Variants in BCL2 observed in about 807,000 individuals in gnomAD.
BCL2 encodes apoptosis regulator Bcl-2.
A neutral mutation model predicts 14.2 loss-of-function variants in BCL2; 1 was observed. The observed-to-expected ratio is 0.07, with a 90% CI of 0.02 to 0.33. The LOEUF (loss-of-function observed/expected upper bound fraction) is 0.33, where lower values mean the gene tolerates loss of function less well. BCL2 is among the 10% of genes least tolerant of loss of function. The pLI is 0.99. For synonymous variants in BCL2, 151 were observed against 137.2 expected, an observed-to-expected ratio of 1.10 and a Z score of -0.70; for missense variants, 247 against 305.9, an observed-to-expected ratio of 0.81 and a Z score of 1.44.
chr18:63,267,692 G>C (rs571150307), intron 2 of BCL2, among the ~76,000 whole-genome samples: 1 of 152,200 alleles, frequency 6.6e-6, no homozygotes, highest in African/African-American at 2.4e-5. Flanking sequence ...ATATCCTTGA[G>C]AGGTATCAGC....
chr18:63,272,756 G>A (rs950378719), intron 2 of BCL2, among the ~76,000 whole-genome samples: 4 of 152,144 alleles, frequency 2.6e-5, no homozygotes, highest in Non-Finnish European at 4.4e-5. Flanking sequence ...GCAGGCTGCC[G>A]TATATATTTT....
intron 2 of BCL2, among the ~76,000 whole-genome samples, chr18:63,243,056 T>C (rs933365188): frequency 1.3e-5 from 2 of 152,092 alleles, no homozygotes; most frequent in Admixed American, 1.3e-4. Flanking sequence ...AAGTGCAAAT[T>C]CATCAGCATC....
At chr18:63,237,491 G>A (rs1235102617) in intron 2 of BCL2, among the ~76,000 whole-genome samples, 3 of 152,100 alleles carry the variant, frequency 2.0e-5, no homozygotes, top group African/African-American at 4.8e-5. Context: ...TGCCTTAACG[G>A]GCCTGACCCT....
chr18:63,150,642 A>G (rs1914630508), intron 2 of BCL2, among the ~76,000 whole-genome samples: 1 of 152,160 alleles, frequency 6.6e-6, no homozygotes, highest in Non-Finnish European at 1.5e-5. Flanking sequence ...AAGTTCTAGA[A>G]TTAGACTCTG....
intron 2 of BCL2, among the ~76,000 whole-genome samples, chr18:63,155,775 G>A (rs2144613042): frequency 6.6e-6 from 1 of 152,338 alleles, no homozygotes; most frequent in South Asian, 2.1e-4. Flanking sequence ...TGCAGGCCCT[G>A]CAGATCTTGC....
In BCL2 at chr18:63,284,618, A is replaced by T. The variant is rs1270294475; in HGVS notation, c.585+33464T>A. Reference sequence around the variant, plus strand: ...TCCCAGCACTCGACAGGGTACTTTAAACAACTTCATTAGTTTGAAATTTTA... The same window carrying T: ...TCCCAGCACTCGACAGGGTACTTTATACAACTTCATTAGTTTGAAATTTTA... On this transcript the variant is annotated intron_variant, in intron 2 of 2. Coordinates refer to ENST00000333681, the MANE Select transcript of BCL2 (RefSeq NM_000633.3). Among the ~76,000 whole-genome samples, 5 of 152,184 alleles carry T rather than the reference A, an allele frequency of 3.3e-5. No individual in the cohort carries two copies. In the East Asian group the frequency reaches 9.6e-4, roughly 29 times the overall value.
intron 2 of BCL2, among the ~76,000 whole-genome samples, chr18:63,279,375 A>G (rs1912245308): frequency 6.6e-6 from 1 of 152,244 alleles, no homozygotes; most frequent in East Asian, 1.9e-4. Flanking sequence ...AAAATGGACA[A>G]GAGACTTGCA....
Position 63,146,755 on chromosome 18 carries a change from C to T in BCL2, c.586-17996G>A, listed in dbSNP as rs1038935932. On this transcript the variant is annotated intron_variant, in intron 2 of 2. Transcript: ENST00000333681. Reference sequence around the variant, plus strand: ...GTAATCCTAACCTACTGAAACACCCCGAGAAACTGTGAAAAAAGTATTAGG... The same window carrying T: ...GTAATCCTAACCTACTGAAACACCCTGAGAAACTGTGAAAAAAGTATTAGG... Among the ~76,000 whole-genome samples the T allele has an allele frequency of 5.3e-5, 8 of 152,088 alleles. No individual in the cohort carries two copies. In the East Asian group the frequency reaches 7.7e-4, roughly 15 times the overall value.
intron 2 of BCL2, among the ~76,000 whole-genome samples, chr18:63,150,298 T>C (rs1914622336): frequency 6.6e-6 from 1 of 152,212 alleles, no homozygotes; most frequent in African/African-American, 2.4e-5. Flanking sequence ...GGTGGCAAGA[T>C]GGCTAAGGTT....
chr18:63,236,011 G>A (rs542375821), intron 2 of BCL2, among the ~76,000 whole-genome samples: 3 of 152,244 alleles, frequency 2.0e-5, no homozygotes, highest in South Asian at 2.1e-4. Context: ...TAATCCCCAC[G>A]TATCATGGGA....
chr18:63,265,042 T>TGGCA (rs1217308082), intron 2 of BCL2, among the ~76,000 whole-genome samples: 1 of 152,144 alleles, frequency 6.6e-6, no homozygotes, highest in African/African-American at 2.4e-5. Flanking sequence ...AACAGCTGCG[T>TGGCA]GGCAAGTGGA....
intron 2 of BCL2, among the ~76,000 whole-genome samples, chr18:63,219,433 G>A: frequency 7.0e-6 from 1 of 143,104 alleles, no homozygotes; most frequent in Non-Finnish European, 1.5e-5. Context: ...CCAACACCAT[G>A]TATCAACCAC....
chr18:63,291,806 T>A (rs1599294290), intron 2 of BCL2, among the ~76,000 whole-genome samples: 1 of 152,004 alleles, frequency 6.6e-6, no homozygotes, highest in Non-Finnish European at 1.5e-5. Flanking sequence ...GTTGGAAAGA[T>A]AATCTTACTG....
chr18:63,260,293 A>G (rs1911616832), intron 2 of BCL2, among the ~76,000 whole-genome samples: 1 of 152,234 alleles, frequency 6.6e-6, no homozygotes, highest in Non-Finnish European at 1.5e-5. Context: ...GCAATGTATC[A>G]TTTGAAAACG....
At chr18:63,219,697 G>A (rs138077654) in intron 2 of BCL2, among the ~76,000 whole-genome samples, 1 of 152,232 alleles carries the variant, frequency 6.6e-6, no homozygotes, top group East Asian at 1.9e-4. Context: ...AAGCATTGAT[G>A]AGGGCCTACT....
intron 2 of BCL2, among the ~76,000 whole-genome samples, chr18:63,205,251 G>C (rs1321360095): frequency 6.6e-6 from 1 of 152,088 alleles, no homozygotes; most frequent in Non-Finnish European, 1.5e-5. Flanking sequence ...TCGTTTCTTT[G>C]TAACACATAT....
intron 2 of BCL2, among the ~76,000 whole-genome samples, chr18:63,141,855 G>T (rs780488601): frequency 4.6e-5 from 7 of 152,230 alleles, no homozygotes; most frequent in Non-Finnish European, 7.3e-5. Context: ...CATGATTTGG[G>T]CCAAGCGTGC....
At chr18:63,130,984 T>C (rs1324545173) in intron 2 of BCL2, among the ~76,000 whole-genome samples, 4 of 151,834 alleles carry the variant, frequency 2.6e-5, no homozygotes, top group Non-Finnish European at 4.4e-5. Flanking sequence ...CCAGGGGACA[T>C]TTGGCAATGT....
At chr18:63,306,464 G>C (rs1035873218) in intron 2 of BCL2, among the ~76,000 whole-genome samples, 1 of 152,106 alleles carries the variant, frequency 6.6e-6, no homozygotes, top group Non-Finnish European at 1.5e-5. Flanking sequence ...TCATCTTTCT[G>C]ACCCACCCAC....
Sources: gnomAD v4.1 joint callset for allele counts (sites outside exome capture counted in the v4.1 genomes callset) on GRCh38, gnomAD v4.1.1 for gene constraint, MANE v1.5 for transcripts, NCBI Gene and HGNC (gene_info 2026-07-23, HGNC 2026-07-21) for gene names.